DDX10: variants seen among roughly 807,000 people sequenced by gnomAD.
DDX10 encodes DEAD-box helicase 10, also known as probable ATP-dependent RNA helicase DDX10.
In DDX10, 74 loss-of-function variants were observed where a neutral mutation model predicts 104.3. The observed-to-expected ratio is 0.71, with a 90% CI of 0.59 to 0.86. DDX10 has a LOEUF of 0.86. DDX10 is among the 40% of genes least tolerant of loss of function. DDX10 has a pLI of 0.00. For synonymous variants in DDX10, 351 were observed against 353.4 expected, an observed-to-expected ratio of 0.99 and a Z score of 0.08; for missense variants, 952 against 1,040.0, an observed-to-expected ratio of 0.92 and a Z score of 1.16.
chr11:108,841,391 A>C lies in DDX10; in HGVS notation c.2162A>C (p.Asn721Thr), dbSNP rs1415704071. ...GAAGATGATGACACAGGTGGTATCA[A>C]CTTACATAAAGCAAAGGAAAGACTT... ...AEEDDDTGGI[N>T]LHKAKERLQE... The change falls in exon 15 of 18, where the codon AAC becomes ACC. Residue 721 changes from asparagine to threonine, a missense_variant. This residue lies in a region of DDX10 where 533 missense variants were observed against 534.1 expected (regional missense o/e 1.00). Transcript: ENST00000322536. 6.2e-7 allele frequency: 1 copy of C among 1,613,730 alleles called. No homozygotes were observed. Among genetic ancestry groups the C allele is most frequent in the African/African-American group, 1.3e-5 (1 of 74,928 alleles).
intron 13 of DDX10, among the ~76,000 whole-genome samples, chr11:108,782,788 A>C (rs1424873391): frequency 2.0e-5 from 3 of 152,100 alleles, no homozygotes; most frequent in Admixed American, 2.0e-4. Context: ...GACTCTTGGG[A>C]GTATACATAG....
intron 13 of DDX10, among the ~76,000 whole-genome samples, chr11:108,816,924 C>A (rs1273396072): frequency 6.6e-6 from 1 of 152,118 alleles, no homozygotes; most frequent in Admixed American, 6.5e-5. Flanking sequence ...TAGCAGGCAA[C>A]CCCCACCTTC....
chr11:108,687,178 G>T (rs1208944902), intron 6 of DDX10, among the ~76,000 whole-genome samples: 1 of 152,194 alleles, frequency 6.6e-6, no homozygotes, highest in Non-Finnish European at 1.5e-5. Context: ...TAGTTCCTGT[G>T]GCTCCACATC....
intron 15 of DDX10, among the ~76,000 whole-genome samples, chr11:108,850,099 C>T (rs923525879): frequency 6.6e-6 from 1 of 152,062 alleles, no homozygotes; most frequent in African/African-American, 2.4e-5. Flanking sequence ...TAGTTTCACT[C>T]AGTATTAAAA....
intron 16 of DDX10, among the ~76,000 whole-genome samples, chr11:108,907,784 A>G (rs573640679): frequency 6.6e-6 from 1 of 152,348 alleles, no homozygotes; most frequent in Non-Finnish European, 1.5e-5. Flanking sequence ...ATACATACAC[A>G]TTTGGCCATA....
In DDX10 at chr11:108,684,193, T is replaced by A. The variant is rs866196309; in HGVS notation, c.848+4633T>A. Among the ~76,000 whole-genome samples the A allele has an allele frequency of 3.0e-4, 32 of 105,316 alleles. 1 individual carries two copies. Among genetic ancestry groups the A allele is most frequent in the East Asian group, 5.6e-4 (2 of 3,600 alleles). 69.1% of individuals were successfully genotyped at this position (105,316 alleles called of 152,430 possible). On this transcript the variant is annotated intron_variant, in intron 6 of 17. Transcript: ENST00000322536. ...TAGATTTTCTTTTTTTTTTTTTTAA[T>A]TTTTTTTTTTATTATACTCTTAAGT... is the stretch of plus-strand genomic sequence containing the variant.
chr11:108,816,459 C>A (rs1196071239), intron 13 of DDX10, among the ~76,000 whole-genome samples: 23 of 151,998 alleles, frequency 1.5e-4, no homozygotes, highest in Admixed American at 1.4e-3. Flanking sequence ...TTTAAGGAGT[C>A]TTGTGTACTT....
In DDX10 at chr11:108,810,358, T is replaced by A. The variant is rs528598597; in HGVS notation, c.1966-28088T>A. Among the ~76,000 whole-genome samples, 24 of 152,268 alleles carry A rather than the reference T, an allele frequency of 1.6e-4. No homozygotes were observed. In the East Asian group the frequency reaches 1.9e-3, roughly 12 times the overall value. On this transcript the variant is annotated intron_variant, in intron 13 of 17. Coordinates refer to ENST00000322536, the MANE Select transcript of DDX10 (RefSeq NM_004398.4). The stretch of plus-strand genomic sequence containing the variant: ...CCTTTCGAACCTATTGGGTTTTTTT[T>A]AATTAGGTGTTATTTGATCTTATTA...
At chr11:108,749,926 G>A (rs536805346) in intron 13 of DDX10, among the ~76,000 whole-genome samples, 2 of 152,184 alleles carry the variant, frequency 1.3e-5, no homozygotes, top group African/African-American at 4.8e-5. Context: ...AATACTATAA[G>A]TACTCTGTAA....
intron 15 of DDX10, among the ~76,000 whole-genome samples, chr11:108,846,547 C>T (rs970629707): frequency 2.0e-5 from 3 of 152,136 alleles, no homozygotes; most frequent in African/African-American, 4.8e-5. Flanking sequence ...ATTATTTACC[C>T]CTCTGCCTGG....
At chr11:108,822,482 C>A in intron 13 of DDX10, 1 of 299,466 alleles carries the variant, frequency 3.3e-6, no homozygotes, top group Non-Finnish European at 6.5e-6. Context: ...CAGGTGATGC[C>A]TTTGTTCTTA....
chr11:108,728,441 G>A (rs2094307870), intron 13 of DDX10, among the ~76,000 whole-genome samples: 1 of 148,226 alleles, frequency 6.7e-6, no homozygotes, highest in South Asian at 2.1e-4. Flanking sequence ...AAAATAACCT[G>A]TAATTTCACC....
intron 16 of DDX10, among the ~76,000 whole-genome samples, chr11:108,885,722 C>G (rs986422384): frequency 6.6e-6 from 1 of 152,070 alleles, no homozygotes; most frequent in Admixed American, 6.6e-5. Context: ...GCCTCTGCCC[C>G]CATTTTCCCA....
At chr11:108,867,909 C>T (rs1323664391) in intron 16 of DDX10, among the ~76,000 whole-genome samples, 1 of 152,140 alleles carries the variant, frequency 6.6e-6, no homozygotes, top group East Asian at 1.9e-4. Flanking sequence ...TGCTTTTCCT[C>T]AGACATCAAG....
chr11:108,891,221 T>C (rs1863371656), intron 16 of DDX10, among the ~76,000 whole-genome samples: 1 of 152,180 alleles, frequency 6.6e-6, no homozygotes, highest in African/African-American at 2.4e-5. Context: ...TTTGAGGAAT[T>C]TTTACATTTT....
chr11:108,676,292 A>G (rs756086746), intron 3 of DDX10, among the ~76,000 whole-genome samples: 1 of 152,082 alleles, frequency 6.6e-6, no homozygotes, highest in Non-Finnish European at 1.5e-5. Context: ...GACCCAGAAA[A>G]ATCTCATTTT....
intron 13 of DDX10, among the ~76,000 whole-genome samples, chr11:108,810,980 C>A (rs1246028232): frequency 3.3e-5 from 5 of 152,134 alleles, no homozygotes; most frequent in African/African-American, 1.2e-4. Flanking sequence ...ACATTCTTAT[C>A]ATTTTTCCTT....
intron 15 of DDX10, among the ~76,000 whole-genome samples, chr11:108,850,385 G>A (rs1021414137): frequency 6.6e-6 from 1 of 152,108 alleles, no homozygotes; most frequent in African/African-American, 2.4e-5. Flanking sequence ...GAAAACCCCA[G>A]CATGGTTATG....
At chr11:108,780,085 T>C (rs1440522453) in intron 13 of DDX10, among the ~76,000 whole-genome samples, 1 of 152,202 alleles carries the variant, frequency 6.6e-6, no homozygotes, top group Non-Finnish European at 1.5e-5. Flanking sequence ...TAGAAAGCAT[T>C]GGCAAAGAGA....
Sources: gnomAD v4.1 joint callset for allele counts (sites outside exome capture counted in the v4.1 genomes callset) on GRCh38, gnomAD v4.1.1 for gene constraint, gnomAD v4.1.1 regional missense constraint, MANE v1.5 for transcripts, NCBI Gene and HGNC (gene_info 2026-07-23, HGNC 2026-07-21) for gene names.